Variants in ANKRD62 observed in about 807,000 individuals in gnomAD.
The protein encoded by ANKRD62 is ankyrin repeat domain-containing protein 62.
A neutral mutation model predicts 98.8 loss-of-function variants in ANKRD62; 61 were observed. The ratio of observed to expected loss-of-function variants is 0.62; its 90% CI spans 0.50 to 0.76. The LOEUF (loss-of-function observed/expected upper bound fraction) is 0.76. Among genes scored for constraint, ANKRD62 ranks in the 30% least tolerant of loss-of-function variants. The pLI, the probability that ANKRD62 is intolerant of heterozygous loss-of-function variation, is 0.00. For missense variants in ANKRD62, 933 were observed against 1,082.9 expected, an observed-to-expected ratio of 0.86 and a Z score of 1.94; for synonymous variants, 341 against 367.9, an observed-to-expected ratio of 0.93 and a Z score of 0.84.
At chr18:12,099,806 T>A (rs1340614799) in intron 6 of ANKRD62, 124 bp downstream of exon 6, 6 of 436,854 alleles carry the variant, frequency 1.4e-5, no homozygotes, top group South Asian at 9.9e-5. Flanking sequence ...GTATATTTTT[T>A]AATTACTTTC....
At chr18:12,153,746 A>G in the ANKRD62 span, among the ~76,000 whole-genome samples, 4 of 152,110 alleles carry the variant, frequency 2.6e-5, no homozygotes, top group African/African-American at 4.8e-5. Context: ...GGGCTACAGT[A>G]ATCAAAACAG....
chr18:12,158,912 T>A, the ANKRD62 span, among the ~76,000 whole-genome samples: 1 of 152,124 alleles, frequency 6.6e-6, no homozygotes, highest in Non-Finnish European at 1.5e-5. Context: ...GCCATTTGAG[T>A]TGGAAGTGAA....
chr18:12,158,346 CATT>C, the ANKRD62 span, among the ~76,000 whole-genome samples: 1 of 152,208 alleles, frequency 6.6e-6, no homozygotes, highest in Non-Finnish European at 1.5e-5. Flanking sequence ...GTTCTTTCAT[CATT>C]GTGTTTCTGT....
intron 6 of ANKRD62, chr18:12,101,914 T>C (rs766921396): frequency 1.7e-5 from 13 of 763,794 alleles, no homozygotes; most frequent in East Asian, 4.9e-5. Context: ...ATTTCTTCCT[T>C]ATTGTGAGTT....
rs1291038476 is a variant in ANKRD62 at position 12,129,142 on chromosome 18, G to A, written c.*1203G>A. On this transcript the variant is annotated 3_prime_UTR_variant, in exon 14 of 14. Transcript: ENST00000587848. ...CAGACAAAAAAGAAATGAAATTATA[G>A]TTGATATAGTGGTGTTTGGAATTGA... The A allele has an allele frequency of 6.6e-6, 1 of 152,018 alleles. No homozygotes were observed. The highest frequency in any genetic ancestry group is 1.5e-5 in the Non-Finnish European group (1 of 67,988). The allele number at this position is 152,018 out of a possible 1,614,324, so 9.4% of individuals were successfully genotyped here.
At chr18:12,144,671 A>G in the ANKRD62 span, among the ~76,000 whole-genome samples, 10 of 11,914 alleles carry the variant, frequency 8.4e-4, no homozygotes, top group South Asian at 9.8e-3. Context: ...AAAGCCCACA[A>G]GCTGGAATGG....
At chr18:12,123,952 C>G (rs1224684925) in intron 11 of ANKRD62, among the ~76,000 whole-genome samples, 185 bp from the exon 12 acceptor site, 1 of 152,120 alleles carries the variant, frequency 6.6e-6, no homozygotes, top group African/African-American at 2.4e-5. Flanking sequence ...AATCAATTAG[C>G]AGGATGTTCA....
intron 3 of ANKRD62, 84 bp downstream of exon 3, chr18:12,095,694 T>A: frequency 1.6e-6 from 2 of 1,221,410 alleles, no homozygotes. Context: ...GTAAAACATC[T>A]GAAACTAGAA....
intron 8 of ANKRD62, among the ~76,000 whole-genome samples, chr18:12,107,820 C>T (rs934021362): frequency 1.6e-4 from 25 of 152,068 alleles, no homozygotes; most frequent in African/African-American, 5.3e-4. Context: ...CTAGATTCTA[C>T]AGGAAAATAT....
chr18:12,140,293 C>T, the ANKRD62 span, among the ~76,000 whole-genome samples: 1,772 of 152,256 alleles, frequency 0.012, 33 homozygotes, highest in African/African-American at 0.041. Flanking sequence ...TTGGTTCAAA[C>T]TTCCTCCTGT....
chr18:12,154,896 C>T, the ANKRD62 span, among the ~76,000 whole-genome samples: 2 of 152,236 alleles, frequency 1.3e-5, no homozygotes, highest in Admixed American at 1.3e-4. Context: ...CATGTTCTCA[C>T]TTATAAGTGG....
At chr18:12,135,891 T>G in the ANKRD62 span, among the ~76,000 whole-genome samples, 3 of 151,774 alleles carry the variant, frequency 2.0e-5, no homozygotes, top group African/African-American at 4.9e-5. Flanking sequence ...GATGGGGTTG[T>G]TTGTTTTTTT....
At chr18:12,181,414 G>T in the ANKRD62 span, among the ~76,000 whole-genome samples, 7 of 152,272 alleles carry the variant, frequency 4.6e-5, no homozygotes, top group Admixed American at 3.9e-4. Flanking sequence ...AACTTTAAAT[G>T]ACTTATTGCA....
At chr18:12,151,386 A>G in the ANKRD62 span, among the ~76,000 whole-genome samples, 2 of 152,186 alleles carry the variant, frequency 1.3e-5, no homozygotes, top group African/African-American at 4.8e-5. Context: ...GGAGAAAATT[A>G]ACAAAGGTAT....
chr18:12,122,274 A>G (rs1310960502), intron 10 of ANKRD62, 29 bp from the exon 11 acceptor site: 2 of 1,490,894 alleles, frequency 1.3e-6, no homozygotes, highest in Non-Finnish European at 1.8e-6. Flanking sequence ...CATGTATTTT[A>G]TCTCTATTTT....
At chr18:12,141,581 G>A in the ANKRD62 span, among the ~76,000 whole-genome samples, 65 of 138,874 alleles carry the variant, frequency 4.7e-4, 1 homozygote, top group Non-Finnish European at 8.2e-4. Context: ...CGGTTTCCTT[G>A]CATTAGGTAT....
intron 10 of ANKRD62, among the ~76,000 whole-genome samples, chr18:12,119,665 A>G (rs962620124): frequency 6.6e-6 from 1 of 152,092 alleles, no homozygotes; most frequent in Non-Finnish European, 1.5e-5. Flanking sequence ...TTCAGCATAT[A>G]AACTTTTGAG....
chr18:12,101,096 C>G (rs1909290518), intron 6 of ANKRD62, among the ~76,000 whole-genome samples: 1 of 152,112 alleles, frequency 6.6e-6, no homozygotes, highest in South Asian at 2.1e-4. Flanking sequence ...TGACATTTAT[C>G]CTCTCAGGAT....
downstream of ANKRD62, among the ~76,000 whole-genome samples, chr18:12,130,364 C>T (rs1909984517): frequency 6.6e-6 from 1 of 151,774 alleles, no homozygotes; most frequent in Non-Finnish European, 1.5e-5. Flanking sequence ...ATAGAAAATG[C>T]CGTGTTAAAA....
Sources: gnomAD v4.1 joint callset for allele counts (sites outside exome capture counted in the v4.1 genomes callset) on GRCh38, gnomAD v4.1.1 for gene constraint, MANE v1.5 for transcripts, NCBI Gene and HGNC (gene_info 2026-07-23, HGNC 2026-07-21) for gene names.